The following ITGBL1 variants were observed in gnomAD, a reference collection of about 807,000 sequenced individuals.
The protein encoded by ITGBL1 is integrin beta-like protein 1.
Under a neutral mutation model 68.5 loss-of-function variants are expected in ITGBL1, and 51 were observed. The ratio of observed to expected loss-of-function variants is 0.74; its 90% CI spans 0.59 to 0.94. The LOEUF (loss-of-function observed/expected upper bound fraction) is 0.94, where lower values mean the gene tolerates loss of function less well. Among genes scored for constraint, ITGBL1 ranks in the 40% least tolerant of loss-of-function variants. The probability of loss-of-function intolerance (pLI) is 0.00; values close to 1 mark genes in which losing one functional copy is unlikely to be tolerated. For missense variants in ITGBL1, 649 were observed against 647.4 expected (o/e 1.00, Z -0.03); for synonymous variants, 209 against 227.3 (o/e 0.92, Z 0.72).
chr13:101,575,419 T>C lies in ITGBL1; in HGVS notation c.464-5T>C, dbSNP rs1041277525. 5 of 1,611,756 alleles carry C rather than the reference T, an allele frequency of 3.1e-6. No individual in the cohort carries two copies. The highest frequency in any genetic ancestry group is 1.7e-5 in the Admixed American group (1 of 59,778). ...CAAACAGTCTTTTTTGTTTTCATGGTTTAGGTACATGTCACTGTGGCAGGT... is the reference window on the plus strand; with the variant it reads ...CAAACAGTCTTTTTTGTTTTCATGGCTTAGGTACATGTCACTGTGGCAGGT... On this transcript the variant is annotated splice_polypyrimidine_tract_variant and splice_region_variant and intron_variant, in intron 3 of 10. Transcript: ENST00000376180.
intron 2 of ITGBL1, among the ~76,000 whole-genome samples, chr13:101,544,521 AGTCT>A (rs1339797014): frequency 2.6e-5 from 4 of 152,196 alleles, no homozygotes; most frequent in Middle Eastern, 3.2e-3. Context: ...TTGAGGAGGC[AGTCT>A]GTCTGTTCTC....
rs546837045 is a variant in ITGBL1 at position 101,590,990 on chromosome 13, G to C, written c.869-7163G>C. On this transcript the variant is annotated intron_variant, in intron 6 of 10. Coordinates refer to ENST00000376180, the MANE Select transcript of ITGBL1 (RefSeq NM_004791.3). ...ACAGTCTCGGCTCACTGCAACCTCCGCCTCCTGGGTTCAAGCAATTCTCCT... is the reference window on the plus strand; with the variant it reads ...ACAGTCTCGGCTCACTGCAACCTCCCCCTCCTGGGTTCAAGCAATTCTCCT... Among the ~76,000 whole-genome samples, 5 of 151,940 alleles carry C rather than the reference G, an allele frequency of 3.3e-5. No homozygotes were observed. In the East Asian group the frequency reaches 9.8e-4, roughly 30 times the overall value.
chr13:101,531,335 T>G (rs372702641), intron 2 of ITGBL1, among the ~76,000 whole-genome samples: 6 of 152,336 alleles, frequency 3.9e-5, no homozygotes, highest in Admixed American at 3.3e-4. Context: ...AGCTGTAACT[T>G]AAAGTTTCAG....
intron 2 of ITGBL1, among the ~76,000 whole-genome samples, chr13:101,522,920 C>T (rs542458289): frequency 4.2e-4 from 64 of 152,242 alleles, no homozygotes; most frequent in African/African-American, 1.5e-3. Context: ...AAGGACAAGC[C>T]GTTGGTTACA....
Position 101,566,355 on chromosome 13 carries a change from A to T in ITGBL1, c.317-1344A>T, listed in dbSNP as rs573619417. Among the ~76,000 whole-genome samples the T allele has an allele frequency of 4.6e-5, 7 of 152,282 alleles. No individual in the cohort carries two copies. In the East Asian group the frequency reaches 1.2e-3, roughly 25 times the overall value. ...ACAGGTGAGATCACTTATGCTTAAA[A>T]ATGATACCAAGTTGGGCAAGACTGA... is the stretch of plus-strand genomic sequence containing the variant. On this transcript the variant is annotated intron_variant, in intron 2 of 10. Transcript: ENST00000376180.
chr13:101,568,410 A>G (rs1412332616), intron 3 of ITGBL1, among the ~76,000 whole-genome samples: 1 of 152,176 alleles, frequency 6.6e-6, no homozygotes, highest in Admixed American at 6.6e-5. Context: ...ATCATATAAA[A>G]GAGTTGCAGT....
At chr13:101,649,969 A>G (rs908358501) in intron 7 of ITGBL1, among the ~76,000 whole-genome samples, 2 of 152,146 alleles carry the variant, frequency 1.3e-5, no homozygotes, top group African/African-American at 2.4e-5. Context: ...GAGTTATAAC[A>G]TGTAGGATTA....
rs73566560 is a variant in ITGBL1 at position 101,469,393 on chromosome 13, C to T, written c.316+15293C>T. On this transcript the variant is annotated intron_variant, in intron 2 of 10. Coordinates refer to ENST00000376180, the MANE Select transcript of ITGBL1 (RefSeq NM_004791.3). Reference sequence around the variant, plus strand: ...ATTTCAAATATCCCTGTTAATACACCAGTTGTTGCCAGGCGCTGTGGCTCA... The same window carrying T: ...ATTTCAAATATCCCTGTTAATACACTAGTTGTTGCCAGGCGCTGTGGCTCA... 2.8e-3 allele frequency among the ~76,000 whole-genome samples: 431 copies of T among 152,198 alleles called. 3 individuals carry two copies. The highest frequency in any genetic ancestry group is 9.7e-3 in the African/African-American group (401 of 41,530).
intron 2 of ITGBL1, among the ~76,000 whole-genome samples, chr13:101,527,752 T>C (rs1442779745): frequency 2.0e-5 from 3 of 152,070 alleles, no homozygotes; most frequent in Non-Finnish European, 4.4e-5. Flanking sequence ...AGTTAAATTT[T>C]ACTAGTATCA....
At chr13:101,587,951 G>A (rs959235356) in intron 6 of ITGBL1, among the ~76,000 whole-genome samples, 1 of 150,240 alleles carries the variant, frequency 6.7e-6, no homozygotes, top group African/African-American at 2.5e-5. Context: ...AAATTCACAG[G>A]CATTTTTTGA....
intron 4 of ITGBL1, among the ~76,000 whole-genome samples, chr13:101,576,065 G>A (rs1566738861): frequency 3.3e-5 from 5 of 152,052 alleles, no homozygotes; most frequent in Admixed American, 1.3e-4. Context: ...TTCTGTTGTA[G>A]CAGTTCTTGC....
At chr13:101,546,786 T>A (rs2049832731) in intron 2 of ITGBL1, among the ~76,000 whole-genome samples, 1 of 152,062 alleles carries the variant, frequency 6.6e-6, no homozygotes, top group South Asian at 2.1e-4. Context: ...AAATATTTTT[T>A]AATCTGACTC....
chr13:101,665,916 G>A (rs1438511135), intron 7 of ITGBL1, among the ~76,000 whole-genome samples: 1 of 152,138 alleles, frequency 6.6e-6, no homozygotes, highest in African/African-American at 2.4e-5. Context: ...CCCAGCAACT[G>A]CCTGCCTAAC....
At chr13:101,558,302 A>G (rs7988693) in intron 2 of ITGBL1, among the ~76,000 whole-genome samples, 118,668 of 151,860 alleles carry the variant, frequency 0.78, 46,372 homozygotes, top group South Asian at 0.81. Flanking sequence ...TAAGATACTG[A>G]GGACTCCAGA....
intron 6 of ITGBL1, among the ~76,000 whole-genome samples, chr13:101,589,874 A>G (rs747052505): frequency 4.6e-5 from 7 of 152,248 alleles, no homozygotes; most frequent in Non-Finnish European, 7.3e-5. Context: ...TTAAGTACAC[A>G]GGAAAAGAGG....
chr13:101,458,342 C>CAA (rs1489659521), intron 2 of ITGBL1, among the ~76,000 whole-genome samples: 2 of 152,056 alleles, frequency 1.3e-5, no homozygotes, highest in Non-Finnish European at 2.9e-5. Context: ...AAATCTTAAG[C>CAA]AAAAGTGTAG....
At chr13:101,710,128 A>G (rs1259707825) in intron 9 of ITGBL1, among the ~76,000 whole-genome samples, 3 of 152,254 alleles carry the variant, frequency 2.0e-5, no homozygotes, top group Non-Finnish European at 2.9e-5. Context: ...TCAGAGATCA[A>G]TGAAGGGTTG....
chr13:101,579,908 T>C (rs1441272224), intron 5 of ITGBL1, among the ~76,000 whole-genome samples: 1 of 152,206 alleles, frequency 6.6e-6, no homozygotes, highest in Non-Finnish European at 1.5e-5. Context: ...TAATAAAAAT[T>C]TGATATTGAA....
intron 7 of ITGBL1, among the ~76,000 whole-genome samples, chr13:101,671,590 C>A (rs1268434181): frequency 1.3e-5 from 2 of 150,468 alleles, no homozygotes; most frequent in South Asian, 4.3e-4. Context: ...AGGCGCCCGC[C>A]ACCACGCCCG....
Sources: allele counts gnomAD v4.1 joint callset (sites outside exome capture counted in the v4.1 genomes callset), GRCh38; gene constraint gnomAD v4.1.1; transcripts MANE v1.5; gene names NCBI Gene and HGNC (gene_info 2026-07-23, HGNC 2026-07-21).